ASAP1: variants seen among roughly 807,000 people sequenced by gnomAD.
ASAP1 encodes the protein ArfGAP with SH3 domain, ankyrin repeat and PH domain 1, also known as arf-GAP with SH3 domain, ANK repeat and PH domain-containing protein 1.
ASAP1 carries 43 observed loss-of-function variants against 145.2 expected under a neutral mutation model. The observed-to-expected ratio is 0.30, with a 90% CI of 0.23 to 0.38. The LOEUF (loss-of-function observed/expected upper bound fraction) is 0.38, where lower values mean the gene tolerates loss of function less well. ASAP1 is among the 10% of genes least tolerant of loss of function. The pLI, the probability that ASAP1 is intolerant of heterozygous loss-of-function variation, is 1.00. For synonymous variants in ASAP1, 546 were observed against 515.5 expected (o/e 1.06, Z -0.80); for missense variants, 1,018 against 1,355.3 (o/e 0.75, Z 3.91).
intron 13 of ASAP1, among the ~76,000 whole-genome samples, chr8:130,137,986 A>C (rs2097599275): frequency 6.6e-6 from 1 of 152,178 alleles, no homozygotes; most frequent in African/African-American, 2.4e-5. Context: ...TAAGCAATGA[A>C]ACTCTTTAAT....
Position 130,107,493 on chromosome 8 carries a change from CTCTT to C in ASAP1, c.2401+4597_2401+4600del, listed in dbSNP as rs1022403681. Among the ~76,000 whole-genome samples, 11 of 146,448 alleles carry C rather than the reference CTCTT, an allele frequency of 7.5e-5. 2 individuals carry two copies. Among genetic ancestry groups the C allele is most frequent in the Admixed American group, 6.9e-5 (1 of 14,488 alleles). Reference sequence around the variant, plus strand: ...AGCCACCATGCCCGGCCCATAGTCTCTCTTTTTTTTTTTTTTTAAAAAATGTATG... The same window carrying C: ...AGCCACCATGCCCGGCCCATAGTCTCTTTTTTTTTTTTTAAAAAATGTATG... On this transcript the variant is annotated intron_variant, in intron 24 of 29. Transcript: ENST00000518721.
intron 1 of ASAP1, among the ~76,000 whole-genome samples, chr8:130,442,668 G>T (rs79652644): frequency 0.017 from 2,543 of 152,204 alleles, 57 homozygotes; most frequent in Admixed American, 0.066. Flanking sequence ...TTGAGGTCAA[G>T]TTAACGATGA....
At chr8:130,186,077 T>C (rs1189885911) in intron 7 of ASAP1, among the ~76,000 whole-genome samples, 1 of 152,192 alleles carries the variant, frequency 6.6e-6, no homozygotes, top group Non-Finnish European at 1.5e-5. Context: ...AAGTACTTAA[T>C]TCTATTCCAT....
At chr8:130,391,764 ATTCT>A (rs1828294959) in intron 2 of ASAP1, among the ~76,000 whole-genome samples, 1 of 152,258 alleles carries the variant, frequency 6.6e-6, no homozygotes, top group Admixed American at 6.5e-5. Context: ...GTAATAATGT[ATTCT>A]TAGATAGCAC....
chr8:130,408,278 G>C (rs895627638), intron 1 of ASAP1, among the ~76,000 whole-genome samples: 4 of 152,230 alleles, frequency 2.6e-5, no homozygotes, highest in Non-Finnish European at 5.9e-5. Flanking sequence ...TTCTGCAAGA[G>C]ATTAGCCTTT....
intron 24 of ASAP1, among the ~76,000 whole-genome samples, chr8:130,102,553 T>C (rs1196711231): frequency 6.6e-6 from 1 of 152,192 alleles, no homozygotes; most frequent in African/African-American, 2.4e-5. Context: ...TGGCTGGTAG[T>C]TTTCTTTTTT....
chr8:130,421,560 G>A (rs1459129295), intron 1 of ASAP1, among the ~76,000 whole-genome samples: 4 of 152,190 alleles, frequency 2.6e-5, no homozygotes, highest in African/African-American at 9.7e-5. Flanking sequence ...AAGTGGGTGT[G>A]CTTTCTCCAG....
chr8:130,079,998 G>C, intron 25 of ASAP1, 27 bp from the exon 26 acceptor site: 1 of 1,597,682 alleles, frequency 6.3e-7, no homozygotes, highest in Non-Finnish European at 8.6e-7. Flanking sequence ...AGGTGAAAAG[G>C]TATGTCTTTA....
intron 3 of ASAP1, among the ~76,000 whole-genome samples, chr8:130,316,751 G>A (rs1431305556): frequency 6.6e-6 from 1 of 152,192 alleles, no homozygotes; most frequent in Non-Finnish European, 1.5e-5. Context: ...CCACAAACCT[G>A]GCATTCCAGG....
At chr8:130,226,979 C>A (rs1817621346) in intron 4 of ASAP1, among the ~76,000 whole-genome samples, 1 of 152,108 alleles carries the variant, frequency 6.6e-6, no homozygotes, top group Admixed American at 6.5e-5. Context: ...TGGAGTCAAC[C>A]CTTCTAAATA....
chr8:130,143,069 G>A (rs558453726), intron 13 of ASAP1, among the ~76,000 whole-genome samples: 9 of 152,326 alleles, frequency 5.9e-5, no homozygotes, highest in African/African-American at 2.2e-4. Context: ...TACCTACTAT[G>A]TGAATTATTC....
At chr8:130,164,765 A>G (rs976066583) in intron 11 of ASAP1, among the ~76,000 whole-genome samples, 7 of 152,218 alleles carry the variant, frequency 4.6e-5, no homozygotes, top group African/African-American at 1.7e-4. Context: ...GATCCTATTC[A>G]CAACTAAAAT....
chr8:130,161,022 T>C (rs534568033), intron 11 of ASAP1, among the ~76,000 whole-genome samples: 3 of 152,316 alleles, frequency 2.0e-5, no homozygotes, highest in Non-Finnish European at 4.4e-5. Context: ...TCAGGTCATA[T>C]GGCGTGAGAA....
intron 12 of ASAP1, among the ~76,000 whole-genome samples, chr8:130,158,207 TA>T (rs201199592): frequency 2.6e-5 from 4 of 151,014 alleles, no homozygotes; most frequent in Admixed American, 6.6e-5. Context: ...AGCTTTCTTT[TA>T]AAAAAAAACA....
intron 18 of ASAP1, among the ~76,000 whole-genome samples, chr8:130,122,703 T>C (rs1356958820): frequency 6.6e-6 from 1 of 152,184 alleles, no homozygotes; most frequent in African/African-American, 2.4e-5. Context: ...GGCTTCAAAA[T>C]CTATGACCCT....
intron 5 of ASAP1, chr8:130,208,817 T>C (rs745719051): frequency 3.9e-5 from 6 of 152,216 alleles, no homozygotes; most frequent in Admixed American, 6.5e-5. Flanking sequence ...TCTGAATCTA[T>C]GACTTGACTC....
intron 1 of ASAP1, among the ~76,000 whole-genome samples, chr8:130,432,514 T>A (rs954158821): frequency 6.6e-6 from 1 of 152,192 alleles, no homozygotes; most frequent in Non-Finnish European, 1.5e-5. Flanking sequence ...CATCCCACTG[T>A]GCATTCATTA....
intron 3 of ASAP1, among the ~76,000 whole-genome samples, chr8:130,352,217 T>TTG (rs1378975017): frequency 5.3e-5 from 8 of 151,066 alleles, no homozygotes; most frequent in East Asian, 2.1e-4. Flanking sequence ...TAAGGGTTTT[T>TTG]TTTTTTTTTT....
chr8:130,214,449 C>A (rs1448746935), intron 5 of ASAP1, 107 bp downstream of exon 5: 3 of 1,200,264 alleles, frequency 2.5e-6, no homozygotes, highest in Non-Finnish European at 3.4e-6. Context: ...TTCTTTCTCA[C>A]CCCTAGGACC....
Sources: gnomAD v4.1 joint callset for allele counts (sites outside exome capture counted in the v4.1 genomes callset) on GRCh38, gnomAD v4.1.1 for gene constraint, MANE v1.5 for transcripts, NCBI Gene and HGNC (gene_info 2026-07-23, HGNC 2026-07-21) for gene names.